The following MTM1 variants were observed in gnomAD, a reference collection of about 807,000 sequenced individuals.
MTM1 encodes myotubularin.
MTM1 carries 9 observed loss-of-function variants against 52.1 expected under a neutral mutation model. The ratio of observed to expected loss-of-function variants is 0.17; its 90% confidence interval spans 0.10 to 0.30. The LOEUF is 0.30. Among genes scored for constraint, MTM1 ranks in the 10% least tolerant of loss-of-function variants. The pLI is 1.00. For synonymous variants in MTM1, 136 were observed against 163.8 expected (o/e 0.83, Z 1.29); for missense variants, 277 against 470.7 (o/e 0.59, Z 3.81).
chrX:150,639,634 A>G (rs1181001107), intron 7 of MTM1, among the ~76,000 whole-genome samples: 2 of 112,273 alleles, frequency 1.8e-5, no homozygotes, highest in African/African-American at 6.5e-5. Flanking sequence ...AGTCTCTTGC[A>G]GTATTTTTGT....
intron 1 of MTM1, among the ~76,000 whole-genome samples, chrX:150,571,993 C>G: frequency 8.9e-6 from 1 of 112,193 alleles, no homozygotes; most frequent in Non-Finnish European, 1.9e-5. Context: ...CCACGACAGT[C>G]TCATCTTTTT....
rs782263674 is a variant in MTM1 at position 150,606,167 on chromosome X, G to C, written c.231+7481G>C. Among the ~76,000 whole-genome samples the C allele has an allele frequency of 5.4e-5, 6 of 110,874 alleles. No homozygotes were observed. The South Asian group carries it at 2.3e-3, about 43-fold the overall frequency. Reference sequence around the variant, plus strand: ...CTGTCCATAAATCGGAACATCAGTGGGAGCATAGGATCTATGCTATAGGTA... The same window carrying C: ...CTGTCCATAAATCGGAACATCAGTGCGAGCATAGGATCTATGCTATAGGTA... On this transcript the variant is annotated intron_variant, in intron 4 of 14. Coordinates refer to ENST00000370396, the MANE Select transcript of MTM1 (RefSeq NM_000252.3).
chrX:150,641,228 G>A, intron 7 of MTM1, 41 bp from the exon 8 acceptor site: 1 of 1,205,614 alleles, frequency 8.3e-7, no homozygotes, highest in Non-Finnish European at 1.1e-6. Context: ...CCAGAGATGA[G>A]GTCAAGCAAT....
chrX:150,576,136 C>T, intron 1 of MTM1, among the ~76,000 whole-genome samples: 1 of 112,115 alleles, frequency 8.9e-6, no homozygotes, highest in Non-Finnish European at 1.9e-5. Context: ...AGGATTTTTA[C>T]ATCTTATATA....
chrX:150,629,474 ATCTC>A (rs1173223704), intron 6 of MTM1, among the ~76,000 whole-genome samples: 1 of 110,911 alleles, frequency 9.0e-6, no homozygotes, highest in Non-Finnish European at 1.9e-5. Context: ...TGCCCTCCTC[ATCTC>A]TCTCCTTTGG....
At chrX:150,620,661 T>A (rs1320918874) in intron 6 of MTM1, among the ~76,000 whole-genome samples, 1 of 112,171 alleles carries the variant, frequency 8.9e-6, no homozygotes, top group Non-Finnish European at 1.9e-5. Context: ...ATGTCTTCAC[T>A]CTCATCCCTC....
chrX:150,661,714 G>A (rs1384514103), intron 13 of MTM1, among the ~76,000 whole-genome samples: 1 of 111,577 alleles, frequency 9.0e-6, no homozygotes, highest in African/African-American at 3.3e-5. Flanking sequence ...TCCCTTATGT[G>A]TGGAATCTAA....
intron 8 of MTM1, 88 bp downstream of exon 8, chrX:150,641,506 G>GGGATA: frequency 9.3e-7 from 1 of 1,073,274 alleles, no homozygotes; most frequent in Non-Finnish European, 1.3e-6. Flanking sequence ...CGGTCCTTTT[G>GGGATA]GAATTCTATC....
At chrX:150,571,381 C>A (rs1190923521) in intron 1 of MTM1, among the ~76,000 whole-genome samples, 1 of 111,686 alleles carries the variant, frequency 9.0e-6, no homozygotes, top group African/African-American at 3.3e-5. Flanking sequence ...CAGCCTGCCC[C>A]AATTTGAATC....
intron 1 of MTM1, among the ~76,000 whole-genome samples, chrX:150,577,915 G>C (rs1330195116): frequency 5.4e-5 from 6 of 112,097 alleles, no homozygotes; most frequent in Admixed American, 4.7e-4. Flanking sequence ...GTTTAGATCT[G>C]TTTTGGCAGA....
rs781973441 is a variant in MTM1 at position 150,641,218 on chromosome X, C to T, written c.529-51C>T. The T allele has an allele frequency of 4.8e-5, 58 of 1,201,954 alleles. No individual in the cohort carries two copies. In the South Asian group the frequency reaches 9.9e-4, roughly 21 times the overall value. On this transcript the variant is annotated intron_variant, in intron 7 of 14. Coordinates refer to ENST00000370396, the MANE Select transcript of MTM1 (RefSeq NM_000252.3). ...GAAGAAAAGAGGCCCAAGGCCAAATCCAGAGATGAGGTCAAGCAATACTGA... is the reference window on the plus strand; with the variant it reads ...GAAGAAAAGAGGCCCAAGGCCAAATTCAGAGATGAGGTCAAGCAATACTGA...
At chrX:150,572,703 A>G (rs2038400320) in intron 1 of MTM1, among the ~76,000 whole-genome samples, 1 of 112,241 alleles carries the variant, frequency 8.9e-6, no homozygotes. Context: ...TCCTGAGTCC[A>G]TACTAGACTG....
intron 1 of MTM1, among the ~76,000 whole-genome samples, chrX:150,590,732 G>T (rs2038869541): frequency 8.9e-6 from 1 of 111,821 alleles, no homozygotes; most frequent in South Asian, 3.7e-4. Flanking sequence ...TGAATAAACA[G>T]GGTGGTGACG....
In MTM1 at chrX:150,619,114, A is replaced by C; in HGVS notation, c.419A>C (p.Tyr140Ser). Residue 140 changes from tyrosine (Y) to serine (S), a missense_variant, in exon 6 of 15, where the codon TAC (tyrosine) becomes TCC (serine). This residue lies in a region of MTM1 where 164 missense variants were observed against 283.3 expected (regional missense o/e 0.58). Transcript: ENST00000370396. ...GATATGTTTGAGATCCTCACGAGAT[A>C]CGCGTTTCCCCTGGCTCACAGTCTG... is the stretch of plus-strand genomic sequence containing the variant. Reference protein sequence around the residue: ...RRDMFEILTRYAFPLAHSLPL... With the variant: ...RRDMFEILTRSAFPLAHSLPL... 1 of 1,207,941 alleles carries C rather than the reference A, an allele frequency of 8.3e-7. No homozygotes were observed. The highest frequency in any genetic ancestry group is 1.1e-6 in the Non-Finnish European group (1 of 892,129).
chrX:150,658,982 T>C (rs1557414572), intron 11 of MTM1, among the ~76,000 whole-genome samples: 1 of 111,894 alleles, frequency 8.9e-6, no homozygotes, highest in Non-Finnish European at 1.9e-5. Context: ...GCCTCCCAAG[T>C]AGCTGGGATT....
chrX:150,631,540 A>G (rs782347546), intron 6 of MTM1, among the ~76,000 whole-genome samples: 2 of 109,420 alleles, frequency 1.8e-5, no homozygotes, highest in Admixed American at 9.7e-5. Flanking sequence ...GCACATGCCT[A>G]TAATTCCAGC....
chrX:150,594,851 A>G (rs148014072), intron 2 of MTM1, among the ~76,000 whole-genome samples: 173 of 111,643 alleles, frequency 1.5e-3, no homozygotes, highest in African/African-American at 5.2e-3. Context: ...GTTTTTAGTT[A>G]GTGAGAGGGA....
At position 150,659,775 on chromosome X, in the gene MTM1, G is replaced by A; in HGVS notation, c.1353+19G>A. ...AAAACAGGTAAGGAATATGAGGGAT[G>A]AAAATACATTCAACTCATTGTTTAA... On this transcript the variant is annotated intron_variant, in intron 12 of 14. Transcript: ENST00000370396. 2 of 1,099,475 alleles carry A rather than the reference G, an allele frequency of 1.8e-6. No individual in the cohort carries two copies. The highest frequency in any genetic ancestry group is 2.5e-6 in the Non-Finnish European group (2 of 793,195). 90.6% of individuals were successfully genotyped at this position (1,099,475 alleles called of 1,213,427 possible).
intron 2 of MTM1, among the ~76,000 whole-genome samples, chrX:150,595,851 G>T (rs1404659080): frequency 8.9e-6 from 1 of 112,558 alleles, no homozygotes; most frequent in Non-Finnish European, 1.9e-5. Flanking sequence ...AAGCCAGGAA[G>T]CCTAGAGAAA....
Sources: gnomAD v4.1 joint callset for allele counts (sites outside exome capture counted in the v4.1 genomes callset) on GRCh38, gnomAD v4.1.1 for gene constraint, gnomAD v4.1.1 regional missense constraint, MANE v1.5 for transcripts, NCBI Gene and HGNC (gene_info 2026-07-23, HGNC 2026-07-21) for gene names.